DACH1: variants seen among roughly 807,000 people sequenced by gnomAD.
DACH1 encodes dachshund homolog 1.
In DACH1, 12 loss-of-function variants were observed where a neutral mutation model predicts 54.2. The observed-to-expected ratio is 0.22, with a 90% CI of 0.14 to 0.36. The LOEUF (loss-of-function observed/expected upper bound fraction) is 0.36. Among genes scored for constraint, DACH1 ranks in the 10% least tolerant of loss-of-function variants. The pLI, the probability that DACH1 is intolerant of heterozygous loss-of-function variation, is 1.00. For missense variants in DACH1, 805 were observed against 929.8 expected, an observed-to-expected ratio of 0.87 and a Z score of 1.75; for synonymous variants, 386 against 366.2, an observed-to-expected ratio of 1.05 and a Z score of -0.62.
intron 1 of DACH1, among the ~76,000 whole-genome samples, chr13:71,713,890 T>C (rs1375480257): frequency 1.3e-5 from 2 of 152,086 alleles, no homozygotes; most frequent in African/African-American, 2.4e-5. Context: ...ATAAGTATTA[T>C]AGAGGTAGTT....
At chr13:71,726,102 C>G (rs1883457851) in intron 1 of DACH1, among the ~76,000 whole-genome samples, 2 of 152,080 alleles carry the variant, frequency 1.3e-5, no homozygotes, top group Admixed American at 1.3e-4. Flanking sequence ...CCCTCAGAAT[C>G]TCAGCTATGG....
chr13:71,603,543 C>T (rs1237574472), intron 3 of DACH1, among the ~76,000 whole-genome samples: 2 of 151,934 alleles, frequency 1.3e-5, no homozygotes, highest in African/African-American at 4.8e-5. Flanking sequence ...TAAACCACCT[C>T]TCTGCAGAGT....
intron 1 of DACH1, among the ~76,000 whole-genome samples, chr13:71,763,776 T>C (rs1885499839): frequency 6.6e-6 from 1 of 152,216 alleles, no homozygotes; most frequent in Admixed American, 6.5e-5. Context: ...GTAGCAAAAA[T>C]ATCATTTATA....
chr13:71,597,603 C>T (rs902615248), intron 3 of DACH1, among the ~76,000 whole-genome samples: 1 of 152,078 alleles, frequency 6.6e-6, no homozygotes. Context: ...GGGTTGTCTC[C>T]AGACTCTGGC....
chr13:71,717,157 TA>T (rs1267698376), intron 1 of DACH1, among the ~76,000 whole-genome samples: 1 of 152,092 alleles, frequency 6.6e-6, no homozygotes, highest in Non-Finnish European at 1.5e-5. Context: ...ATTCAAAATA[TA>T]AAATAAACTA....
intron 10 of DACH1, among the ~76,000 whole-genome samples, chr13:71,468,598 T>C (rs889635844): frequency 6.6e-6 from 1 of 152,202 alleles, no homozygotes; most frequent in African/African-American, 2.4e-5. Flanking sequence ...GGATACAATT[T>C]AGTGCTGTTA....
intron 1 of DACH1, among the ~76,000 whole-genome samples, chr13:71,787,383 G>T (rs903183389): frequency 3.3e-5 from 5 of 152,142 alleles, no homozygotes; most frequent in African/African-American, 1.2e-4. Flanking sequence ...TTTTAAAAAG[G>T]TAATCTTACT....
intron 3 of DACH1, among the ~76,000 whole-genome samples, chr13:71,600,550 T>C (rs1024600597): frequency 6.6e-6 from 1 of 151,884 alleles, no homozygotes; most frequent in Non-Finnish European, 1.5e-5. Flanking sequence ...TATATAATTA[T>C]AAAAGAAGGA....
At chr13:71,754,528 G>C (rs370152844) in intron 1 of DACH1, among the ~76,000 whole-genome samples, 22 of 152,142 alleles carry the variant, frequency 1.4e-4, no homozygotes, top group African/African-American at 4.8e-4. Context: ...TTTTACAGAT[G>C]AGGAAAATGA....
chr13:71,815,474 A>G (rs1020852755), intron 1 of DACH1, among the ~76,000 whole-genome samples: 1 of 152,228 alleles, frequency 6.6e-6, no homozygotes, highest in African/African-American at 2.4e-5. Context: ...ACATTTTCAA[A>G]CAAGGTGGTA....
At chr13:71,520,812 A>G (rs1881544178) in intron 6 of DACH1, among the ~76,000 whole-genome samples, 1 of 151,936 alleles carries the variant, frequency 6.6e-6, no homozygotes, top group Non-Finnish European at 1.5e-5. Flanking sequence ...TTTAAAATCA[A>G]TATTAACATA....
intron 1 of DACH1, among the ~76,000 whole-genome samples, chr13:71,790,067 C>T (rs1323712313): frequency 3.9e-5 from 6 of 152,096 alleles, no homozygotes. Flanking sequence ...ATAGTCAGAA[C>T]TGCTTTACAA....
intron 3 of DACH1, among the ~76,000 whole-genome samples, chr13:71,583,035 T>A (rs1047541695): frequency 6.6e-6 from 1 of 152,214 alleles, no homozygotes; most frequent in Non-Finnish European, 1.5e-5. Flanking sequence ...TTAAAAACTA[T>A]GTTTCTAAAT....
intron 6 of DACH1, among the ~76,000 whole-genome samples, chr13:71,531,790 T>C (rs1882433351): frequency 6.6e-6 from 1 of 151,942 alleles, no homozygotes; most frequent in Admixed American, 6.6e-5. Flanking sequence ...CTAAACAGGG[T>C]AGCAAAATGA....
intron 1 of DACH1, among the ~76,000 whole-genome samples, chr13:71,795,828 C>A (rs1361134560): frequency 6.6e-6 from 1 of 152,024 alleles, no homozygotes; most frequent in Non-Finnish European, 1.5e-5. Flanking sequence ...TTGGAAGGAG[C>A]AAATTTAAAA....
At chr13:71,517,692 T>C (rs1381887010) in intron 6 of DACH1, among the ~76,000 whole-genome samples, 1 of 151,872 alleles carries the variant, frequency 6.6e-6, no homozygotes, top group Admixed American at 6.6e-5. Context: ...AAACATACTC[T>C]ATATCTTGGC....
intron 1 of DACH1, among the ~76,000 whole-genome samples, chr13:71,818,778 G>A (rs919400507): frequency 1.3e-5 from 2 of 152,206 alleles, no homozygotes; most frequent in African/African-American, 4.8e-5. Flanking sequence ...ATTCTCCTTT[G>A]GAGTGTGGAC....
Position 71,713,832 on chromosome 13 carries a change from T to G in DACH1, c.849-31922A>C, listed in dbSNP as rs545786669. Among the ~76,000 whole-genome samples, 155 of 152,186 alleles carry G rather than the reference T, an allele frequency of 1.0e-3. No homozygotes were observed. In the Middle Eastern group the frequency reaches 0.01, roughly 10 times the overall value. The stretch of plus-strand genomic sequence containing the variant: ...CTACAAGCAAAATTTTAAAAGAGAA[T>G]GATCAAATTCAGAAAAATTAGACAA... On this transcript the variant is annotated intron_variant, in intron 1 of 10. Coordinates refer to ENST00000613252, the MANE Select transcript of DACH1 (RefSeq NM_080759.6).
chr13:71,468,063 C>T (rs954233549), intron 10 of DACH1, among the ~76,000 whole-genome samples: 5 of 152,152 alleles, frequency 3.3e-5, no homozygotes, highest in African/African-American at 9.6e-5. Flanking sequence ...ATATGGAAAA[C>T]GTGGTTAGGT....
Sources: allele counts gnomAD v4.1 joint callset (sites outside exome capture counted in the v4.1 genomes callset), GRCh38; gene constraint gnomAD v4.1.1; transcripts MANE v1.5; gene names NCBI Gene and HGNC (gene_info 2026-07-23, HGNC 2026-07-21).